CASQ2: variants seen among roughly 807,000 people sequenced by gnomAD.
The protein encoded by CASQ2 is calsequestrin 2.
Under a neutral mutation model 46.5 loss-of-function variants are expected in CASQ2, and 49 were observed. The observed-to-expected ratio is 1.05, with a 90% CI of 0.84 to 1.34. The LOEUF is 1.34. Ranked by LOEUF, CASQ2 falls within the 40% of genes most tolerant of loss-of-function variation. CASQ2 has a pLI of 0.00. For missense variants in CASQ2, 486 were observed against 481.3 expected (o/e 1.01, Z -0.09); for synonymous variants, 174 against 168.5 (o/e 1.03, Z -0.25).
chr1:115,725,813 A>G (rs558374907), intron 6 of CASQ2, among the ~76,000 whole-genome samples: 3 of 152,110 alleles, frequency 2.0e-5, no homozygotes, highest in Non-Finnish European at 2.9e-5. Context: ...TTTACAAACA[A>G]TGGGTCAGAG....
intron 6 of CASQ2, 35 bp downstream of exon 6, chr1:115,726,952 AGACCC>A: frequency 2.6e-5 from 16 of 609,386 alleles, no homozygotes; most frequent in East Asian, 4.2e-5. Flanking sequence ...TCCATTCCCC[AGACCC>A]CAGGCCCCCA....
chr1:115,765,077 C>G (rs1649086894), intron 1 of CASQ2, among the ~76,000 whole-genome samples: 1 of 152,126 alleles, frequency 6.6e-6, no homozygotes, highest in South Asian at 2.1e-4. Context: ...TTTCACAAAC[C>G]AACTCTGGCC....
intron 7 of CASQ2, among the ~76,000 whole-genome samples, chr1:115,720,566 G>A (rs1045223925): frequency 1.1e-4 from 16 of 152,184 alleles, no homozygotes; most frequent in African/African-American, 3.9e-4. Flanking sequence ...AGGGTTTGCA[G>A]AAAATGTTGT....
At chr1:115,740,918 T>C in intron 2 of CASQ2, 90 bp from the exon 3 acceptor site, 1 of 863,578 alleles carries the variant, frequency 1.2e-6, no homozygotes, top group Non-Finnish European at 1.9e-6. Flanking sequence ...GGTTTCTGGG[T>C]GACAGTGGGG....
chr1:115,748,942 A>G (rs977450976), intron 1 of CASQ2, among the ~76,000 whole-genome samples: 1 of 152,200 alleles, frequency 6.6e-6, no homozygotes, highest in African/African-American at 2.4e-5. Flanking sequence ...CCTGGGCCTC[A>G]GCACAATACA....
intron 4 of CASQ2, among the ~76,000 whole-genome samples, chr1:115,735,634 A>T (rs1335876550): frequency 6.6e-6 from 1 of 152,254 alleles, no homozygotes; most frequent in African/African-American, 2.4e-5. Flanking sequence ...ATATCTGTGT[A>T]TTCCTAAGGA....
intron 8 of CASQ2, among the ~76,000 whole-genome samples, chr1:115,708,961 C>T (rs1445496755): frequency 1.3e-5 from 2 of 152,228 alleles, no homozygotes; most frequent in African/African-American, 2.4e-5. Context: ...CCACGAGAAC[C>T]GTGCCTTGAT....
chr1:115,707,623 G>A lies in CASQ2; in HGVS notation c.839-2331C>T, dbSNP rs117701086. Among the ~76,000 whole-genome samples the A allele has an allele frequency of 4.0e-4, 61 of 152,312 alleles. No individual in the cohort carries two copies. In the East Asian group the frequency reaches 0.01, roughly 25 times the overall value. ...GTCCTTTGGCCATGTGTCTGTCACA[G>A]GAGAGGGAAATATGGTGCCACCTTG... On this transcript the variant is annotated intron_variant, in intron 8 of 10. Coordinates refer to ENST00000261448, the MANE Select transcript of CASQ2 (RefSeq NM_001232.4).
chr1:115,763,387 A>T (rs1017153590), intron 1 of CASQ2, among the ~76,000 whole-genome samples: 1 of 152,174 alleles, frequency 6.6e-6, no homozygotes, highest in African/African-American at 2.4e-5. Context: ...GCGACCTGTG[A>T]CCGCTGGCAA....
At chr1:115,726,835 A>T (rs1172465643) in intron 6 of CASQ2, among the ~76,000 whole-genome samples, 157 bp downstream of exon 6, 2 of 152,208 alleles carry the variant, frequency 1.3e-5, no homozygotes, top group Non-Finnish European at 2.9e-5. Flanking sequence ...CATCCCTGCT[A>T]GTCATTACTG....
At chr1:115,748,633 G>T (rs760802819) in intron 1 of CASQ2, among the ~76,000 whole-genome samples, 8 of 151,894 alleles carry the variant, frequency 5.3e-5, no homozygotes, top group Non-Finnish European at 1.2e-4. Flanking sequence ...ATTTTCTGCA[G>T]TGCCTAAACA....
intron 1 of CASQ2, among the ~76,000 whole-genome samples, chr1:115,759,063 C>T (rs1389394423): frequency 6.6e-6 from 1 of 152,152 alleles, no homozygotes; most frequent in Non-Finnish European, 1.5e-5. Flanking sequence ...AGGGAGATAA[C>T]TTCTTTGATA....
chr1:115,709,651 TA>T (rs1654480457), intron 8 of CASQ2, among the ~76,000 whole-genome samples: 2 of 152,190 alleles, frequency 1.3e-5, no homozygotes, highest in East Asian at 3.8e-4. Context: ...GGTAGATGAA[TA>T]GCCCTCACTC....
At chr1:115,746,030 C>T (rs2101102591) in intron 1 of CASQ2, among the ~76,000 whole-genome samples, 1 of 152,296 alleles carries the variant, frequency 6.6e-6, no homozygotes. Flanking sequence ...GTTGTCCATT[C>T]CTATAATTTT....
chr1:115,706,986 T>G (rs1027958675), intron 8 of CASQ2, among the ~76,000 whole-genome samples: 11 of 152,138 alleles, frequency 7.2e-5, no homozygotes, highest in Non-Finnish European at 1.5e-4. Flanking sequence ...TGAGCCCCCT[T>G]AGGCCTTATT....
At chr1:115,761,478 GAAGAAGA>G (rs1557806790) in intron 1 of CASQ2, among the ~76,000 whole-genome samples, 4 of 25,364 alleles carry the variant, frequency 1.6e-4, no homozygotes, top group Non-Finnish European at 1.8e-4. Flanking sequence ...AGAAGAAGAA[GAAGAAGA>G]AGGAGAAGAA....
chr1:115,705,170 G>A (rs2101055886), intron 9 of CASQ2, 22 bp downstream of exon 9: 4 of 1,469,524 alleles, frequency 2.7e-6, no homozygotes, highest in Non-Finnish European at 3.8e-6. Context: ...CTGAGGGTGG[G>A]GCGCTGGCTG....
chr1:115,759,113 TATC>T (rs961882212), intron 1 of CASQ2, among the ~76,000 whole-genome samples: 7 of 152,182 alleles, frequency 4.6e-5, no homozygotes, highest in Non-Finnish European at 7.3e-5. Context: ...AGTGAGTTCT[TATC>T]ATCAATAAAA....
At chr1:115,702,410 G>A (rs1654233944) in intron 10 of CASQ2, among the ~76,000 whole-genome samples, 1 of 152,170 alleles carries the variant, frequency 6.6e-6, no homozygotes, top group South Asian at 2.1e-4. Flanking sequence ...TACCTCACTA[G>A]CCTGTCCCAC....
Sources: gnomAD v4.1 joint callset for allele counts (sites outside exome capture counted in the v4.1 genomes callset) on GRCh38, gnomAD v4.1.1 for gene constraint, MANE v1.5 for transcripts, NCBI Gene and HGNC (gene_info 2026-07-23, HGNC 2026-07-21) for gene names.